CNTN4: variants seen among roughly 807,000 people sequenced by gnomAD.
The protein encoded by CNTN4 is contactin 4, also known as contactin-4.
In CNTN4, 77 loss-of-function variants were observed where a neutral mutation model predicts 122.5. The ratio of observed to expected loss-of-function variants is 0.63; its 90% CI spans 0.52 to 0.76. The LOEUF (loss-of-function observed/expected upper bound fraction) is 0.76, where lower values mean the gene tolerates loss of function less well. CNTN4 is among the 30% of genes least tolerant of loss of function. The pLI, the probability that CNTN4 is intolerant of heterozygous loss-of-function variation, is 0.00. For missense variants in CNTN4, 1,256 were observed against 1,259.1 expected (o/e 1.00, Z 0.04); for synonymous variants, 512 against 447.0 (o/e 1.15, Z -1.83).
chr3:2,779,791 T>G (rs1167899517), intron 6 of CNTN4, among the ~76,000 whole-genome samples: 1 of 152,238 alleles, frequency 6.6e-6, no homozygotes, highest in Non-Finnish European at 1.5e-5. Flanking sequence ...GTGATTTGTA[T>G]GATTGTTAAG....
At chr3:2,453,640 T>C (rs1168689293) in intron 3 of CNTN4, among the ~76,000 whole-genome samples, 2 of 152,146 alleles carry the variant, frequency 1.3e-5, no homozygotes, top group African/African-American at 2.4e-5. Flanking sequence ...AACTATGTGC[T>C]GTTAAGAAAA....
chr3:2,404,280 C>G (rs998947494), intron 3 of CNTN4, among the ~76,000 whole-genome samples: 1 of 152,110 alleles, frequency 6.6e-6, no homozygotes, highest in Non-Finnish European at 1.5e-5. Context: ...ACAGCAAGGT[C>G]GTGACAGGCC....
At chr3:2,760,573 G>T (rs1029600964) in intron 6 of CNTN4, among the ~76,000 whole-genome samples, 8 of 152,248 alleles carry the variant, frequency 5.3e-5, no homozygotes, top group Admixed American at 1.3e-4. Context: ...GTACCACACT[G>T]TGTTGACTGC....
intron 6 of CNTN4, among the ~76,000 whole-genome samples, chr3:2,782,295 G>C (rs192482505): frequency 4.6e-5 from 7 of 151,982 alleles, no homozygotes; most frequent in Non-Finnish European, 7.4e-5. Flanking sequence ...TGGTAGGTGG[G>C]GGGGGGCCTT....
At chr3:2,439,740 G>A (rs1006144824) in intron 3 of CNTN4, among the ~76,000 whole-genome samples, 3 of 152,036 alleles carry the variant, frequency 2.0e-5, no homozygotes, top group Non-Finnish European at 2.9e-5. Context: ...GAATTATGGA[G>A]AAGAGAAGAG....
intron 2 of CNTN4, among the ~76,000 whole-genome samples, chr3:2,226,943 TGAA>T (rs1340880179): frequency 3.9e-5 from 6 of 152,244 alleles, no homozygotes; most frequent in African/African-American, 1.2e-4. Context: ...ATTTTATAAA[TGAA>T]GAAATTGAGG....
At chr3:2,699,879 C>G (rs946056519) in intron 4 of CNTN4, among the ~76,000 whole-genome samples, 27 of 152,112 alleles carry the variant, frequency 1.8e-4, no homozygotes, top group African/African-American at 6.0e-4. Flanking sequence ...TGGTATTATA[C>G]AGCTGAATCT....
chr3:2,555,407 C>T (rs1188232372), intron 3 of CNTN4, among the ~76,000 whole-genome samples: 1 of 152,166 alleles, frequency 6.6e-6, no homozygotes, highest in African/African-American at 2.4e-5. Context: ...ATTTTCCAAG[C>T]ACACCGATTA....
chr3:2,453,505 A>G (rs1427710322), intron 3 of CNTN4, among the ~76,000 whole-genome samples: 1 of 152,150 alleles, frequency 6.6e-6, no homozygotes, highest in Admixed American at 6.6e-5. Context: ...AGTAAGGCAC[A>G]ATATAACCAA....
At chr3:2,451,401 G>A (rs1235555442) in intron 3 of CNTN4, among the ~76,000 whole-genome samples, 2 of 150,176 alleles carry the variant, frequency 1.3e-5, no homozygotes, top group African/African-American at 2.4e-5. Flanking sequence ...TGAAATGAGA[G>A]GAATATGGTA....
chr3:2,920,546 C>T (rs1184299662), intron 12 of CNTN4, among the ~76,000 whole-genome samples: 1 of 151,904 alleles, frequency 6.6e-6, no homozygotes, highest in Non-Finnish European at 1.5e-5. Context: ...TTGGTACTTT[C>T]TGTGGGTCTA....
chr3:2,988,491 A>G lies in CNTN4; in HGVS notation c.1486+19A>G. On this transcript the variant is annotated intron_variant, in intron 14 of 24. Transcript: ENST00000418658. ...GTGAAAGGTAATGGCTAACCCAAAG[A>G]ATTCGAATATTTATATATGTGTCCT... The G allele has an allele frequency of 6.2e-7, 1 of 1,613,250 alleles. No homozygotes were observed. Among genetic ancestry groups the G allele is most frequent in the South Asian group, 1.1e-5 (1 of 91,062 alleles).
At chr3:2,677,878 C>T (rs554839382) in intron 4 of CNTN4, among the ~76,000 whole-genome samples, 1 of 152,200 alleles carries the variant, frequency 6.6e-6, no homozygotes, top group African/African-American at 2.4e-5. Flanking sequence ...GCAATAAACA[C>T]AAGAGTGTGT....
chr3:2,514,721 T>C (rs1262883913), intron 3 of CNTN4, among the ~76,000 whole-genome samples: 1 of 152,100 alleles, frequency 6.6e-6, no homozygotes, highest in Non-Finnish European at 1.5e-5. Flanking sequence ...CTGTGATCCT[T>C]CCGAGGTTAA....
chr3:2,394,159 A>G (rs1013058797), intron 3 of CNTN4, among the ~76,000 whole-genome samples: 5 of 148,344 alleles, frequency 3.4e-5, no homozygotes, highest in Non-Finnish European at 7.6e-5. Flanking sequence ...TCGTTTAAAA[A>G]GGAAGTTGTT....
chr3:2,461,380 C>A (rs1303623728), intron 3 of CNTN4, among the ~76,000 whole-genome samples: 1 of 152,070 alleles, frequency 6.6e-6, no homozygotes, highest in African/African-American at 2.4e-5. Context: ...AGATAATCTA[C>A]ATTATCTCAG....
intron 3 of CNTN4, among the ~76,000 whole-genome samples, chr3:2,378,214 T>C (rs1285277713): frequency 6.6e-6 from 1 of 152,068 alleles, no homozygotes; most frequent in Non-Finnish European, 1.5e-5. Flanking sequence ...TCCTGGGTGG[T>C]TTCATGTGCG....
chr3:2,673,403 C>T (rs180723903), intron 4 of CNTN4, among the ~76,000 whole-genome samples: 2 of 152,262 alleles, frequency 1.3e-5, no homozygotes, highest in South Asian at 2.1e-4. Context: ...AATGCACACT[C>T]CTTTGCAATG....
intron 2 of CNTN4, among the ~76,000 whole-genome samples, chr3:2,220,384 C>T (rs929326180): frequency 6.6e-5 from 10 of 152,062 alleles, no homozygotes; most frequent in Admixed American, 5.9e-4. Context: ...AGGGTACTTA[C>T]CTTATTCATA....
Sources: allele counts gnomAD v4.1 joint callset (sites outside exome capture counted in the v4.1 genomes callset), GRCh38; gene constraint gnomAD v4.1.1; transcripts MANE v1.5; gene names NCBI Gene and HGNC (gene_info 2026-07-23, HGNC 2026-07-21).